Variants in TYW1 observed in about 807,000 individuals in gnomAD.
TYW1 encodes tRNA-yW synthesizing protein 1 homolog.
Under a neutral mutation model 96.2 loss-of-function variants are expected in TYW1, and 46 were observed. The ratio of observed to expected loss-of-function variants is 0.48; its 90% CI spans 0.38 to 0.61. The LOEUF is 0.61. TYW1 is among the 20% of genes least tolerant of loss of function. TYW1 has a pLI of 0.00. For missense variants in TYW1, 684 were observed against 909.6 expected (o/e 0.75, Z 3.19); for synonymous variants, 274 against 323.0 (o/e 0.85, Z 1.63).
At chr7:67,188,029 A>T (rs13227747) in intron 14 of TYW1, among the ~76,000 whole-genome samples, 1 of 152,242 alleles carries the variant, frequency 6.6e-6, no homozygotes, top group Non-Finnish European at 1.5e-5. Context: ...GAGGAGTTTT[A>T]AAAATCATTG....
intron 7 of TYW1, among the ~76,000 whole-genome samples, chr7:67,033,769 C>T (rs1343032398): frequency 1.3e-5 from 2 of 151,118 alleles, no homozygotes; most frequent in South Asian, 4.2e-4. Context: ...GATCTTGGCT[C>T]AGTACAACCT....
At chr7:67,063,997 A>G (rs1795783532) in intron 9 of TYW1, among the ~76,000 whole-genome samples, 2 of 152,240 alleles carry the variant, frequency 1.3e-5, no homozygotes, top group Admixed American at 1.3e-4. Flanking sequence ...TTTACATTTA[A>G]CAAAACATAC....
In TYW1 at chr7:67,217,633, T is replaced by C. The variant is rs189414146; in HGVS notation, c.1978-20675T>C. On this transcript the variant is annotated intron_variant, in intron 15 of 15. Transcript: ENST00000359626. ...GTCTGTCTTTATGCCAGTATCACAC[T>C]GTTTTGATTATTATAGCTTTGTTGT... Among the ~76,000 whole-genome samples, 256 of 152,298 alleles carry C rather than the reference T, an allele frequency of 1.7e-3. 1 individual carries two copies. The highest frequency in any genetic ancestry group is 5.8e-3 in the African/African-American group (243 of 41,572).
chr7:67,205,217 C>T (rs942868842), intron 15 of TYW1, among the ~76,000 whole-genome samples: 4 of 152,072 alleles, frequency 2.6e-5, no homozygotes, highest in African/African-American at 4.8e-5. Context: ...AAGTCCATTT[C>T]CCCCCTCAGC....
intron 13 of TYW1, among the ~76,000 whole-genome samples, chr7:67,143,433 C>G (rs3857691): frequency 0.23 from 34,416 of 152,128 alleles, 4,027 homozygotes; most frequent in South Asian, 0.29. Flanking sequence ...CTGGCATAAA[C>G]TTAAAATGTC....
chr7:67,238,249 T>C, intron 15 of TYW1, 59 bp from the exon 16 acceptor site: 1 of 1,564,622 alleles, frequency 6.4e-7, no homozygotes, highest in Non-Finnish European at 8.7e-7. Context: ...TTAAAAACAT[T>C]CATTTTTTTT....
rs765896924 is a variant in TYW1 at position 67,131,870 on chromosome 7, A to T, written c.1698+14252A>T. 1.1e-3 allele frequency among the ~76,000 whole-genome samples: 175 copies of T among 152,226 alleles called. 2 individuals are homozygous for T. Among genetic ancestry groups the T allele is most frequent in the Non-Finnish European group, 1.1e-3 (73 of 68,036 alleles). The stretch of plus-strand genomic sequence containing the variant: ...AACTTGGAGTTTGATGTTCGAGGGC[A>T]GGAAGCATCCAGCACGGGAGAAAGA... On this transcript the variant is annotated intron_variant, in intron 13 of 15. Coordinates refer to ENST00000359626, the MANE Select transcript of TYW1 (RefSeq NM_018264.4).
At chr7:67,068,029 T>C (rs1377573923) in intron 10 of TYW1, among the ~76,000 whole-genome samples, 2 of 151,578 alleles carry the variant, frequency 1.3e-5, no homozygotes, top group Non-Finnish European at 2.9e-5. Flanking sequence ...CTTTTCTTTT[T>C]TTTTTTTTTG....
At chr7:67,051,861 T>C (rs1429611228) in intron 8 of TYW1, among the ~76,000 whole-genome samples, 3 of 152,326 alleles carry the variant, frequency 2.0e-5, no homozygotes, top group Admixed American at 2.0e-4. Context: ...GGCTTTACTT[T>C]GCCTTCATTT....
At chr7:67,208,914 C>T (rs191534425) in intron 15 of TYW1, among the ~76,000 whole-genome samples, 20 of 152,086 alleles carry the variant, frequency 1.3e-4, no homozygotes, top group Admixed American at 1.1e-3. Context: ...TATTCTATGC[C>T]ACATGCGAAT....
At chr7:67,215,171 T>C (rs1362477476) in intron 15 of TYW1, among the ~76,000 whole-genome samples, 2 of 150,906 alleles carry the variant, frequency 1.3e-5, no homozygotes, top group Non-Finnish European at 2.9e-5. Context: ...CCTCCACCTG[T>C]CTGTCTGTCT....
At chr7:67,003,550 G>T (rs11976628) in intron 3 of TYW1, among the ~76,000 whole-genome samples, 92,269 of 147,760 alleles carry the variant, frequency 0.62, 29,018 homozygotes, top group African/African-American at 0.69. Flanking sequence ...GCAAAGATTT[G>T]TAAGGGAAAA....
chr7:67,232,010 A>G (rs1394265522), intron 15 of TYW1, among the ~76,000 whole-genome samples: 1 of 152,096 alleles, frequency 6.6e-6, no homozygotes, highest in Non-Finnish European at 1.5e-5. Context: ...CAGGTGAATC[A>G]CCTGAGGTCA....
In TYW1 at chr7:67,049,991, A is replaced by G; in HGVS notation, c.1027A>G (p.Asn343Asp). 8 of 1,614,150 alleles carry G rather than the reference A, an allele frequency of 5.0e-6. No individual in the cohort carries two copies. The highest frequency in any genetic ancestry group is 5.9e-6 in the Non-Finnish European group (7 of 1,180,016). Residue 343 changes from asparagine to aspartate, a missense_variant, in exon 8 of 16, where the codon AAC (asparagine) becomes GAC (aspartate). Transcript: ENST00000359626. ...QQEEKSGLFRNMGRNEDGERR... is the reference protein window; with the variant it reads ...QQEEKSGLFRDMGRNEDGERR... ...GGAAGAGAAGTCTGGTTTGTTCAGG[A>G]ACATGGGGAGGAATGAAGATGGTGA...
intron 7 of TYW1, among the ~76,000 whole-genome samples, chr7:67,032,904 T>G (rs1440860333): frequency 3.0e-5 from 4 of 133,630 alleles, no homozygotes; most frequent in South Asian, 5.2e-4. Flanking sequence ...TTTTTTTTTT[T>G]TTTTTTTTTT....
intron 9 of TYW1, among the ~76,000 whole-genome samples, chr7:67,065,127 A>T (rs540516342): frequency 2.0e-5 from 3 of 152,262 alleles, no homozygotes; most frequent in African/African-American, 7.2e-5. Context: ...TGGTGAAGCT[A>T]CCTTGGTTGC....
chr7:67,211,703 A>C (rs1329896327), intron 15 of TYW1, among the ~76,000 whole-genome samples: 4 of 152,156 alleles, frequency 2.6e-5, no homozygotes, highest in Non-Finnish European at 2.9e-5. Flanking sequence ...CAACAGTGAG[A>C]GACCTGGCTC....
At chr7:67,176,626 T>C (rs1799677513) in intron 13 of TYW1, among the ~76,000 whole-genome samples, 1 of 152,018 alleles carries the variant, frequency 6.6e-6, no homozygotes, top group Non-Finnish European at 1.5e-5. Context: ...AACACTGGCT[T>C]ATAGATTCAA....
chr7:67,093,622 C>T (rs1796791835), intron 11 of TYW1, among the ~76,000 whole-genome samples: 1 of 152,120 alleles, frequency 6.6e-6, no homozygotes, highest in Non-Finnish European at 1.5e-5. Context: ...GTAGAATGAG[C>T]TTAAGGATCA....
Sources: gnomAD v4.1 joint callset for allele counts (sites outside exome capture counted in the v4.1 genomes callset) on GRCh38, gnomAD v4.1.1 for gene constraint, MANE v1.5 for transcripts, NCBI Gene and HGNC (gene_info 2026-07-23, HGNC 2026-07-21) for gene names.